The following TTC29 variants were observed in gnomAD, a reference collection of about 807,000 sequenced individuals.
TTC29 encodes tetratricopeptide repeat protein 29.
In TTC29, 49 loss-of-function variants were observed where a neutral mutation model predicts 58.1. The ratio of observed to expected loss-of-function variants is 0.84; its 90% CI spans 0.67 to 1.07. TTC29 has a LOEUF of 1.07. Among genes scored for constraint, TTC29 ranks in the 50% least tolerant of loss-of-function variants. TTC29 has a pLI of 0.00. For synonymous variants in TTC29, 209 were observed against 196.8 expected (o/e 1.06, Z -0.52); for missense variants, 582 against 555.6 (o/e 1.05, Z -0.48).
chr4:146,879,495 T>C (rs768249270), intron 6 of TTC29, among the ~76,000 whole-genome samples: 1 of 152,204 alleles, frequency 6.6e-6, no homozygotes, highest in African/African-American at 2.4e-5. Context: ...AGAAATATTA[T>C]AAAAGACCTC....
At chr4:146,908,818 G>A (rs1320818673) in intron 5 of TTC29, among the ~76,000 whole-genome samples, 1 of 152,186 alleles carries the variant, frequency 6.6e-6, no homozygotes, top group Non-Finnish European at 1.5e-5. Context: ...TGGCTCGGAA[G>A]GACATCACCA....
At chr4:146,792,674 A>G (rs1234682229) in intron 11 of TTC29, among the ~76,000 whole-genome samples, 1 of 152,220 alleles carries the variant, frequency 6.6e-6, no homozygotes, top group East Asian at 1.9e-4. Context: ...AATACTTTGT[A>G]CAGCTTTAAT....
At chr4:146,939,940 T>C (rs774858663) in intron 2 of TTC29, 39 bp from the exon 3 acceptor site, 1 of 1,551,416 alleles carries the variant, frequency 6.4e-7, no homozygotes, top group South Asian at 1.2e-5. Flanking sequence ...TTTTAAGGAA[T>C]AAATCTTTCA....
intron 4 of TTC29, among the ~76,000 whole-genome samples, chr4:146,912,400 T>G (rs1733955736): frequency 6.6e-6 from 1 of 152,220 alleles, no homozygotes; most frequent in Non-Finnish European, 1.5e-5. Context: ...TTCTTGTTTT[T>G]GAAACTCAGA....
intron 10 of TTC29, among the ~76,000 whole-genome samples, chr4:146,818,755 TA>T (rs1751610113): frequency 6.6e-6 from 1 of 152,048 alleles, no homozygotes; most frequent in African/African-American, 2.4e-5. Flanking sequence ...TATGCAGCCA[TA>T]AAAAATGAAG....
chr4:146,833,492 A>G (rs1728302684), intron 9 of TTC29, among the ~76,000 whole-genome samples: 1 of 152,110 alleles, frequency 6.6e-6, no homozygotes, highest in South Asian at 2.1e-4. Flanking sequence ...CGTACTACAT[A>G]TTTCTGTGCT....
intron 10 of TTC29, among the ~76,000 whole-genome samples, chr4:146,818,044 C>A (rs911551556): frequency 6.6e-6 from 1 of 152,152 alleles, no homozygotes; most frequent in African/African-American, 2.4e-5. Context: ...ATGTCTAAAA[C>A]ACCGAAAGCA....
intron 11 of TTC29, among the ~76,000 whole-genome samples, chr4:146,791,253 A>C (rs568324845): frequency 6.6e-6 from 1 of 152,160 alleles, no homozygotes; most frequent in African/African-American, 2.4e-5. Flanking sequence ...GGTGTATGGT[A>C]ACCTTGCTTT....
At chr4:146,859,223 A>T (rs1489088533) in intron 8 of TTC29, among the ~76,000 whole-genome samples, 1 of 152,060 alleles carries the variant, frequency 6.6e-6, no homozygotes, top group East Asian at 1.9e-4. Flanking sequence ...GATTCATCCT[A>T]TTATTATATC....
chr4:146,860,566 C>A (rs1008665180), intron 8 of TTC29, among the ~76,000 whole-genome samples: 1 of 152,038 alleles, frequency 6.6e-6, no homozygotes, highest in Non-Finnish European at 1.5e-5. Flanking sequence ...GCAGCATATA[C>A]AGCATGGATA....
intron 11 of TTC29, among the ~76,000 whole-genome samples, chr4:146,785,558 A>G (rs1748947087): frequency 6.6e-6 from 1 of 152,200 alleles, no homozygotes; most frequent in Admixed American, 6.5e-5. Flanking sequence ...TTAAAGACTT[A>G]TCTCCTTAAT....
chr4:146,903,864 A>C (rs904956191), intron 5 of TTC29, 135 bp from the exon 6 acceptor site: 26 of 524,736 alleles, frequency 5.0e-5, no homozygotes, highest in Non-Finnish European at 8.0e-5. Flanking sequence ...ATTGGGTCTA[A>C]AAGCAAAAAT....
intron 4 of TTC29, among the ~76,000 whole-genome samples, chr4:146,918,657 A>G (rs1734391495): frequency 6.6e-6 from 1 of 151,212 alleles, no homozygotes; most frequent in Non-Finnish European, 1.5e-5. Flanking sequence ...CAATAACTTT[A>G]GATAATTTCC....
intron 6 of TTC29, among the ~76,000 whole-genome samples, chr4:146,877,183 A>G (rs1731322999): frequency 6.6e-6 from 1 of 152,160 alleles, no homozygotes; most frequent in Admixed American, 6.6e-5. Flanking sequence ...GGAAACATAA[A>G]AAAACATTTA....
Position 146,833,901 on chromosome 4 carries a change from T to C in TTC29, c.886-4A>G, listed in dbSNP as rs774955936. On this transcript the variant is annotated splice_polypyrimidine_tract_variant and splice_region_variant and intron_variant, in intron 8 of 12. Transcript: ENST00000325106. ...TTTTACAGTAAGTGTCAAGGACCTATCAGGAAGAGAAATACATATTGAACA... is the reference window on the plus strand; with the variant it reads ...TTTTACAGTAAGTGTCAAGGACCTACCAGGAAGAGAAATACATATTGAACA... 8.1e-6 allele frequency: 13 copies of C among 1,605,800 alleles called. No homozygotes were observed. The South Asian group carries it at 1.1e-4, about 14-fold the overall frequency.
At position 146,737,596 on chromosome 4, in the gene TTC29, G is replaced by C. The variant is rs9991227; in HGVS notation, c.1331-30045C>G. The stretch of plus-strand genomic sequence containing the variant: ...AGGCTGATGCTAGTAGCCCTGGGGG[G>C]GGGGGGGCTACAAACGGGTCTTGAC... On this transcript the variant is annotated intron_variant, in intron 11 of 12. Coordinates refer to ENST00000325106, the MANE Select transcript of TTC29 (RefSeq NM_031956.4). 4.7e-5 allele frequency among the ~76,000 whole-genome samples: 7 copies of C among 149,672 alleles called. No homozygotes were observed. The East Asian group carries it at 5.9e-4, about 13-fold the overall frequency.
intron 4 of TTC29, among the ~76,000 whole-genome samples, chr4:146,910,028 T>C (rs1733791025): frequency 6.6e-6 from 1 of 152,090 alleles, no homozygotes. Context: ...TGTGAGATAA[T>C]AGCTGTGTAG....
At position 146,937,683 on chromosome 4, in the gene TTC29, T is replaced by C; in HGVS notation, c.93-6A>G. 3 of 1,450,500 alleles carry C rather than the reference T, an allele frequency of 2.1e-6. No individual in the cohort carries two copies. The highest frequency in any genetic ancestry group is 1.3e-5 in the South Asian group (1 of 76,582). 89.9% of individuals were successfully genotyped at this position (1,450,500 alleles called of 1,614,324 possible). On this transcript the variant is annotated splice_region_variant and splice_polypyrimidine_tract_variant and intron_variant, in intron 3 of 12. Transcript: ENST00000325106. Reference sequence around the variant, plus strand: ...TTTCTTTGATCAATTGAGACCTAAATGAAATAGAAAGAAATAATAAAGCAC... The same window carrying C: ...TTTCTTTGATCAATTGAGACCTAAACGAAATAGAAAGAAATAATAAAGCAC...
intron 6 of TTC29, among the ~76,000 whole-genome samples, chr4:146,885,407 T>C (rs1406559780): frequency 6.6e-6 from 1 of 152,098 alleles, no homozygotes; most frequent in Non-Finnish European, 1.5e-5. Flanking sequence ...TTTCATTCTA[T>C]TCTGTTATAT....
Sources: allele counts gnomAD v4.1 joint callset (sites outside exome capture counted in the v4.1 genomes callset), GRCh38; gene constraint gnomAD v4.1.1; transcripts MANE v1.5; gene names NCBI Gene and HGNC (gene_info 2026-07-23, HGNC 2026-07-21).